The following KLF17 variants were observed in gnomAD, a reference collection of about 807,000 sequenced individuals.
The protein encoded by KLF17 is KLF transcription factor 17.
A neutral mutation model predicts 34.2 loss-of-function variants in KLF17; 31 were observed. The observed-to-expected ratio is 0.91, with a 90% confidence interval of 0.68 to 1.22. The LOEUF is 1.22. Ranked by LOEUF, KLF17 falls within the 50% of genes most tolerant of loss-of-function variation. The pLI, the probability that KLF17 is intolerant of heterozygous loss-of-function variation, is 0.00. For synonymous variants in KLF17, 179 were observed against 186.7 expected (o/e 0.96, Z 0.34); for missense variants, 478 against 505.2 (o/e 0.95, Z 0.52).
the KLF17 span, among the ~76,000 whole-genome samples, chr1:44,113,272 G>T: frequency 2.6e-5 from 4 of 152,168 alleles, no homozygotes; most frequent in East Asian, 7.7e-4. Context: ...GCAAACCATT[G>T]TTAACCACAG....
Position 44,129,479 on chromosome 1 carries a change from T to C in KLF17, c.208T>C (p.Ser70Pro). 6.2e-7 allele frequency: 1 copy of C among 1,611,494 alleles called. No homozygotes were observed. The highest frequency in any genetic ancestry group is 8.5e-7 in the Non-Finnish European group (1 of 1,178,518). ...TCCTCACAGCGCAGAGATGCTGGGG[T>C]CCCCTTTGGTGTCTGTTGAGGCGCC... is the stretch of plus-strand genomic sequence containing the variant. ...HFPHSAEMLGSPLVSVEAPGQ... is the reference protein window; with the variant it reads ...HFPHSAEMLGPPLVSVEAPGQ... The change falls in exon 2 of 4, where the codon TCC becomes CCC. Residue 70 changes from serine to proline, a missense_variant. Physicochemically the swap from Ser to Pro is moderately conservative, Grantham distance 74. Transcript: ENST00000372299.
chr1:44,057,998 G>T, the KLF17 span, among the ~76,000 whole-genome samples: 2 of 152,190 alleles, frequency 1.3e-5, no homozygotes, highest in Non-Finnish European at 2.9e-5. Flanking sequence ...GTGGATAGAG[G>T]ATTTCACCAC....
chr1:44,102,550 TCACACACATACACATA>T, the KLF17 span, among the ~76,000 whole-genome samples: 4 of 104,388 alleles, frequency 3.8e-5, no homozygotes, highest in East Asian at 6.8e-4. Context: ...CAAAACTCCA[TCACACACATACACATA>T]CACACACACA....
the KLF17 span, among the ~76,000 whole-genome samples, chr1:44,046,944 A>C: frequency 6.7e-6 from 1 of 150,374 alleles, no homozygotes; most frequent in Non-Finnish European, 1.5e-5. Flanking sequence ...AATCGCTTGA[A>C]CCAGGGAGGC....
chr1:44,055,552 G>C, the KLF17 span, among the ~76,000 whole-genome samples: 1 of 152,100 alleles, frequency 6.6e-6, no homozygotes, highest in African/African-American at 2.4e-5. Context: ...CAACAGGCTG[G>C]GAATGGACAC....
chr1:44,057,839 C>A, the KLF17 span, among the ~76,000 whole-genome samples: 1 of 152,160 alleles, frequency 6.6e-6, no homozygotes, highest in Non-Finnish European at 1.5e-5. Context: ...CCGGTAATGA[C>A]CCAGGGAGCT....
chr1:44,132,725 TCTC>T (rs889445121), intron 3 of KLF17, among the ~76,000 whole-genome samples: 6 of 145,310 alleles, frequency 4.1e-5, no homozygotes, highest in African/African-American at 1.5e-4. Context: ...TGTAACTTCT[TCTC>T]CTCCCACCTT....
chr1:44,122,009 A>C (rs755377734), intron 1 of KLF17: 7 of 652,106 alleles, frequency 1.1e-5, no homozygotes, highest in Non-Finnish European at 1.9e-5. Flanking sequence ...GGGATGGCAA[A>C]ATAAATTTCC....
the KLF17 span, among the ~76,000 whole-genome samples, chr1:44,089,945 T>C: frequency 6.6e-6 from 1 of 151,888 alleles, no homozygotes; most frequent in African/African-American, 2.4e-5. Flanking sequence ...GCGGATCACT[T>C]GAGTCTAAGA....
At chr1:44,127,692 T>TTCTTTCTTTTTCTTTCTTTCTTTC (rs753421834) in intron 1 of KLF17, among the ~76,000 whole-genome samples, 221 of 90,046 alleles carry the variant, frequency 2.5e-3, no homozygotes, top group African/African-American at 3.0e-3. Flanking sequence ...CTTTCTTTCT[T>TTCTTTCTTTTTCTTTCTTTCTTTC]TTTCTTTCTT....
At chr1:44,108,160 A>T in the KLF17 span, among the ~76,000 whole-genome samples, 1 of 151,616 alleles carries the variant, frequency 6.6e-6, no homozygotes, top group East Asian at 2.0e-4. Context: ...TTTCTTTCCC[A>T]AGATCTTGCT....
At chr1:44,048,462 A>G in the KLF17 span, 1 of 152,258 alleles carries the variant, frequency 6.6e-6, no homozygotes, top group Non-Finnish European at 1.5e-5. Context: ...ATAAGAACAG[A>G]TGAGTCAGAG....
chr1:44,127,662 CTT>C (rs879348643), intron 1 of KLF17, among the ~76,000 whole-genome samples: 4 of 44,988 alleles, frequency 8.9e-5, no homozygotes, highest in East Asian at 6.9e-4. Context: ...TTCTTTCTTT[CTT>C]TCTTTCTTTC....
chr1:44,047,303 T>C, the KLF17 span, among the ~76,000 whole-genome samples: 1 of 152,068 alleles, frequency 6.6e-6, no homozygotes, highest in Non-Finnish European at 1.5e-5. Flanking sequence ...TTCCTCTGAG[T>C]GGGCTAATGA....
the KLF17 span, among the ~76,000 whole-genome samples, chr1:44,096,067 G>A: frequency 6.6e-6 from 1 of 151,850 alleles, no homozygotes; most frequent in Non-Finnish European, 1.5e-5. Context: ...TCAGCCTCCC[G>A]AGTAGCTGGG....
chr1:44,073,967 T>C, the KLF17 span, among the ~76,000 whole-genome samples: 1 of 152,182 alleles, frequency 6.6e-6, no homozygotes, highest in Non-Finnish European at 1.5e-5. Flanking sequence ...TATTTGCCAC[T>C]GTATCCCCAA....
At chr1:44,071,544 C>T in the KLF17 span, among the ~76,000 whole-genome samples, 1 of 152,136 alleles carries the variant, frequency 6.6e-6, no homozygotes, top group Non-Finnish European at 1.5e-5. Context: ...AAGCTCAAGC[C>T]TTTCTCTCCT....
the KLF17 span, among the ~76,000 whole-genome samples, chr1:44,108,660 C>CTT: frequency 6.3e-3 from 477 of 75,302 alleles, 34 homozygotes; most frequent in African/African-American, 0.018. Context: ...TTTGTTAGCT[C>CTT]TTTTTTTTTT....
At chr1:44,080,498 A>C in the KLF17 span, among the ~76,000 whole-genome samples, 1 of 151,974 alleles carries the variant, frequency 6.6e-6, no homozygotes, top group African/African-American at 2.4e-5. Context: ...TTGGCCTCCC[A>C]AAGTGCTGGG....
Sources: gnomAD v4.1 joint callset for allele counts (sites outside exome capture counted in the v4.1 genomes callset) on GRCh38, gnomAD v4.1.1 for gene constraint, MANE v1.5 for transcripts, NCBI Gene and HGNC (gene_info 2026-07-23, HGNC 2026-07-21) for gene names.